Variants in DDAH1 observed in about 807,000 individuals in gnomAD.
DDAH1 encodes dimethylarginine dimethylaminohydrolase 1, also known as N(G),N(G)-dimethylarginine dimethylaminohydrolase 1.
DDAH1 carries 19 observed loss-of-function variants against 28.8 expected under a neutral mutation model. The ratio of observed to expected loss-of-function variants is 0.66; its 90% CI spans 0.46 to 0.97. DDAH1 has a LOEUF of 0.97. Among genes scored for constraint, DDAH1 ranks in the 50% least tolerant of loss-of-function variants. DDAH1 has a pLI of 0.00. For missense variants in DDAH1, 326 were observed against 375.9 expected, an observed-to-expected ratio of 0.87 and a Z score of 1.10; for synonymous variants, 153 against 154.4, an observed-to-expected ratio of 0.99 and a Z score of 0.07.
intron 5 of DDAH1, among the ~76,000 whole-genome samples, chr1:85,322,708 T>A (rs1266413467): frequency 1.3e-5 from 2 of 152,206 alleles, no homozygotes; most frequent in Non-Finnish European, 2.9e-5. Context: ...AAGGACTGAA[T>A]AAGATAATAC....
At chr1:85,377,050 C>G (rs1650710478) in intron 1 of DDAH1, among the ~76,000 whole-genome samples, 1 of 152,062 alleles carries the variant, frequency 6.6e-6, no homozygotes, top group African/African-American at 2.4e-5. Flanking sequence ...TGAAAAGAAA[C>G]TAGCACAGGA....
At chr1:85,556,114 CT>C (rs1276805065) in intron 1 of DDAH1, among the ~76,000 whole-genome samples, 2 of 151,856 alleles carry the variant, frequency 1.3e-5, no homozygotes, top group Non-Finnish European at 1.5e-5. Context: ...CCTTCTCCTC[CT>C]CCTCCTCACC....
upstream of DDAH1, among the ~76,000 whole-genome samples, chr1:85,467,856 A>T (rs1463223502): frequency 6.6e-6 from 1 of 152,230 alleles, no homozygotes; most frequent in Non-Finnish European, 1.5e-5. Flanking sequence ...CCTTACCTTG[A>T]AGAGCTCACA....
chr1:85,542,613 A>G (rs1334560182), intron 1 of DDAH1, among the ~76,000 whole-genome samples: 1 of 152,192 alleles, frequency 6.6e-6, no homozygotes, highest in Non-Finnish European at 1.5e-5. Flanking sequence ...CCTTCTGTCT[A>G]TTCAGACCCT....
At chr1:85,524,864 T>C (rs1338656094) in intron 1 of DDAH1, among the ~76,000 whole-genome samples, 1 of 144,850 alleles carries the variant, frequency 6.9e-6, no homozygotes, top group Non-Finnish European at 1.5e-5. Context: ...CATAGTTTCT[T>C]CTGTCACTGA....
chr1:85,371,667 T>C (rs149750083), intron 1 of DDAH1, among the ~76,000 whole-genome samples: 1 of 152,282 alleles, frequency 6.6e-6, no homozygotes, highest in African/African-American at 2.4e-5. Flanking sequence ...ACATTTCAGA[T>C]CAGTCAGTCC....
intron 4 of DDAH1, 90 bp downstream of exon 4, chr1:85,350,325 C>A (rs1293627331): frequency 6.6e-7 from 1 of 1,522,300 alleles, no homozygotes; most frequent in South Asian, 1.3e-5. Context: ...CCTGCCAACC[C>A]TGCTTGTTAC....
chr1:85,452,371 A>C (rs961049870), intron 1 of DDAH1, among the ~76,000 whole-genome samples: 4 of 152,200 alleles, frequency 2.6e-5, no homozygotes, highest in Admixed American at 6.5e-5. Flanking sequence ...AATGACCTAC[A>C]CTAAGAAGTA....
rs376453391 is a variant in DDAH1, at chr1:85,565,003, T to C, written c.-123+12981A>G. Among the ~76,000 whole-genome samples the C allele has an allele frequency of 3.3e-5, 5 of 152,114 alleles. No homozygotes were observed. In the East Asian group the frequency reaches 7.7e-4, roughly 23 times the overall value. ...CGAGGTCAGTAGTTTGAGACCAGCC[T>C]GGCCAACATGGTGAAACCCCATTTC... On this transcript the variant is annotated intron_variant, in intron 1 of 6. Coordinates refer to the DDAH1 transcript ENST00000426972.
intron 1 of DDAH1, among the ~76,000 whole-genome samples, chr1:85,388,513 T>C (rs1651389833): frequency 6.6e-6 from 1 of 152,072 alleles, no homozygotes; most frequent in Non-Finnish European, 1.5e-5. Flanking sequence ...GCAATTGGAA[T>C]CATAAAAGGA....
intron 2 of DDAH1, among the ~76,000 whole-genome samples, chr1:85,491,296 A>G (rs1000066701): frequency 3.3e-5 from 5 of 152,052 alleles, no homozygotes; most frequent in African/African-American, 1.2e-4. Context: ...TGTGCTCTTA[A>G]TTGGGCCAAT....
At chr1:85,533,324 A>AT (rs1217327328) in intron 1 of DDAH1, among the ~76,000 whole-genome samples, 11 of 152,084 alleles carry the variant, frequency 7.2e-5, no homozygotes, top group African/African-American at 2.4e-4. Context: ...TTAAGAAAGT[A>AT]TTTTTTTTCT....
intron 5 of DDAH1, 124 bp from the exon 6 acceptor site, chr1:85,321,692 A>C (rs1661351977): frequency 4.0e-6 from 3 of 749,632 alleles, no homozygotes. Flanking sequence ...ACACACAGGC[A>C]GTCTCAACCA....
chr1:85,427,337 A>G (rs917381357), intron 1 of DDAH1, among the ~76,000 whole-genome samples: 7 of 151,840 alleles, frequency 4.6e-5, no homozygotes, highest in African/African-American at 1.5e-4. Flanking sequence ...ATTCTGTACT[A>G]CAGCATGTCT....
At chr1:85,469,574 T>G (rs1206145791), upstream of DDAH1, among the ~76,000 whole-genome samples, 1 of 152,210 alleles carries the variant, frequency 6.6e-6, no homozygotes, top group East Asian at 1.9e-4. Context: ...TGAGAGGTTT[T>G]GAACAGAAGG....
intron 1 of DDAH1, among the ~76,000 whole-genome samples, chr1:85,448,727 A>T (rs764812507): frequency 1.9e-4 from 29 of 152,262 alleles, no homozygotes; most frequent in Middle Eastern, 6.8e-3. Context: ...TTTCTTTTAT[A>T]AAAAAACCCC....
At chr1:85,537,870 T>C (rs1475609696) in intron 1 of DDAH1, among the ~76,000 whole-genome samples, 1 of 151,734 alleles carries the variant, frequency 6.6e-6, no homozygotes, top group African/African-American at 2.4e-5. Flanking sequence ...AAAATCATTA[T>C]AAAAACAGAA....
At chr1:85,571,238 G>A (rs76331896) in intron 1 of DDAH1, among the ~76,000 whole-genome samples, 20 of 152,210 alleles carry the variant, frequency 1.3e-4, no homozygotes, top group African/African-American at 3.6e-4. Flanking sequence ...CCAAAGGGTC[G>A]GTCCCATCTG....
At chr1:85,541,748 T>C (rs904942470) in intron 1 of DDAH1, among the ~76,000 whole-genome samples, 1 of 152,184 alleles carries the variant, frequency 6.6e-6, no homozygotes, top group Non-Finnish European at 1.5e-5. Flanking sequence ...GATTAGATCA[T>C]GAAGTTGGAG....
Sources: gnomAD v4.1 joint callset for allele counts (sites outside exome capture counted in the v4.1 genomes callset) on GRCh38, gnomAD v4.1.1 for gene constraint, MANE v1.5 for transcripts, NCBI Gene and HGNC (gene_info 2026-07-23, HGNC 2026-07-21) for gene names.